DGKB: variants seen among roughly 807,000 people sequenced by gnomAD.
DGKB encodes the protein diacylglycerol kinase beta.
Under a neutral mutation model 114.3 loss-of-function variants are expected in DGKB, and 67 were observed. The observed-to-expected ratio is 0.59, with a 90% confidence interval of 0.48 to 0.72. The LOEUF (loss-of-function observed/expected upper bound fraction) is 0.72. Among genes scored for constraint, DGKB ranks in the 30% least tolerant of loss-of-function variants. The pLI is 0.00. For synonymous variants in DGKB, 398 were observed against 323.1 expected (o/e 1.23, Z -2.49); for missense variants, 907 against 975.2 (o/e 0.93, Z 0.93).
At chr7:14,800,978 T>C (rs537813510) in intron 2 of DGKB, among the ~76,000 whole-genome samples, 1 of 152,210 alleles carries the variant, frequency 6.6e-6, no homozygotes, top group East Asian at 1.9e-4. Flanking sequence ...AAGGTAGCTA[T>C]AAACACCACC....
Position 14,291,142 on chromosome 7 carries a change from C to CAAA in DGKB, c.2122+47370_2122+47372dup, listed in dbSNP as rs373171858. Among the ~76,000 whole-genome samples, 669 of 84,284 alleles carry CAAA rather than the reference C, an allele frequency of 7.9e-3. 12 individuals carry two copies. Among genetic ancestry groups the CAAA allele is most frequent in the African/African-American group, 0.022 (455 of 20,224 alleles). The allele number at this position is 84,284 out of a possible 152,430, so 55.3% of individuals were successfully genotyped here. A position where few individuals can be genotyped will look rare whatever the true frequency, so the allele number is the denominator to read the frequency against. ...ATGCAACAAAAGCAAAACTCCGTCT[C>CAAA]AAAAAAAAAAAAAAAAAAAAAGAGA... On this transcript the variant is annotated intron_variant, in intron 23 of 25. Transcript: ENST00000402815.
intron 21 of DGKB, among the ~76,000 whole-genome samples, chr7:14,444,067 A>C (rs1830426044): frequency 6.6e-6 from 1 of 151,990 alleles, no homozygotes; most frequent in Non-Finnish European, 1.5e-5. Flanking sequence ...TAATTTAAAT[A>C]TTCATATTTT....
intron 6 of DGKB, among the ~76,000 whole-genome samples, chr7:14,717,523 T>C (rs1337347315): frequency 1.3e-5 from 2 of 152,118 alleles, no homozygotes; most frequent in East Asian, 3.8e-4. Context: ...ATTCATATGG[T>C]TTATTCATAA....
intron 23 of DGKB, among the ~76,000 whole-genome samples, chr7:14,194,817 T>C (rs890300665): frequency 5.3e-5 from 8 of 152,256 alleles, no homozygotes; most frequent in South Asian, 2.1e-4. Context: ...TTTGTTTTTA[T>C]GCTAAAATTC....
intron 14 of DGKB, among the ~76,000 whole-genome samples, chr7:14,629,439 G>C (rs535195625): frequency 6.6e-6 from 1 of 152,016 alleles, no homozygotes; most frequent in African/African-American, 2.4e-5. Context: ...GAAAAGAGCA[G>C]TTATGACACT....
intron 23 of DGKB, among the ~76,000 whole-genome samples, chr7:14,281,919 A>G (rs1800021750): frequency 7.2e-6 from 1 of 138,876 alleles, no homozygotes; most frequent in South Asian, 2.5e-4. Context: ...GGAAAGATCC[A>G]AAATTGACAG....
chr7:14,476,323 T>C (rs1434329015), intron 21 of DGKB, among the ~76,000 whole-genome samples: 4 of 152,152 alleles, frequency 2.6e-5, no homozygotes, highest in Non-Finnish European at 1.5e-5. Flanking sequence ...ACTTTCACTG[T>C]TATGTCAATT....
chr7:14,458,062 T>C (rs1220126228), intron 21 of DGKB, among the ~76,000 whole-genome samples: 3 of 152,162 alleles, frequency 2.0e-5, no homozygotes, highest in African/African-American at 7.2e-5. Flanking sequence ...ATCAAGAATC[T>C]TCAAGCCTTG....
At chr7:14,595,797 C>CT in intron 17 of DGKB, among the ~76,000 whole-genome samples, 1 of 151,872 alleles carries the variant, frequency 6.6e-6, no homozygotes, top group South Asian at 2.1e-4. Flanking sequence ...AGATAATTTT[C>CT]TTTTCCTCTA....
intron 23 of DGKB, among the ~76,000 whole-genome samples, chr7:14,279,966 A>G (rs1392621689): frequency 1.3e-5 from 2 of 152,242 alleles, no homozygotes; most frequent in Non-Finnish European, 2.9e-5. Flanking sequence ...TCCTCCTCCA[A>G]AGGAACGCAG....
chr7:14,272,781 C>T (rs192373922), intron 23 of DGKB, among the ~76,000 whole-genome samples: 5 of 152,248 alleles, frequency 3.3e-5, no homozygotes, highest in Non-Finnish European at 7.3e-5. Context: ...AGCAATTTCA[C>T]TTATCTTGCA....
At chr7:14,590,947 C>G (rs1273710259) in intron 17 of DGKB, among the ~76,000 whole-genome samples, 1 of 152,106 alleles carries the variant, frequency 6.6e-6, no homozygotes, top group Admixed American at 6.6e-5. Context: ...AATTTTCTAA[C>G]AAGCAGTAAG....
chr7:14,210,338 C>T (rs1024956184), intron 23 of DGKB, among the ~76,000 whole-genome samples: 2 of 152,096 alleles, frequency 1.3e-5, no homozygotes, highest in Non-Finnish European at 2.9e-5. Context: ...TTCAGGCCCA[C>T]AGGCAGCCAG....
intron 1 of DGKB, among the ~76,000 whole-genome samples, chr7:14,849,738 C>T (rs1849097572): frequency 6.6e-6 from 1 of 152,100 alleles, no homozygotes; most frequent in Admixed American, 6.6e-5. Context: ...CTCCATTCTC[C>T]TCCAGTGCCT....
intron 23 of DGKB, among the ~76,000 whole-genome samples, chr7:14,205,424 C>A (rs1237608110): frequency 2.0e-5 from 3 of 151,766 alleles, no homozygotes; most frequent in African/African-American, 7.3e-5. Flanking sequence ...CTTGGGGACA[C>A]CTCATATCAT....
chr7:14,948,879 A>G (rs188135139), intron 1 of DGKB, among the ~76,000 whole-genome samples: 1 of 151,666 alleles, frequency 6.6e-6, no homozygotes, highest in Non-Finnish European at 1.5e-5. Flanking sequence ...ACTCCTTAAA[A>G]AGAGAAAAAT....
intron 1 of DGKB, among the ~76,000 whole-genome samples, chr7:14,895,899 G>A (rs1389582463): frequency 6.6e-6 from 1 of 151,660 alleles, no homozygotes; most frequent in Non-Finnish European, 1.5e-5. Context: ...AGATTCATTG[G>A]TCAAGAGCCA....
At chr7:14,193,477 G>A (rs1251516274) in intron 23 of DGKB, among the ~76,000 whole-genome samples, 1 of 152,076 alleles carries the variant, frequency 6.6e-6, no homozygotes, top group Non-Finnish European at 1.5e-5. Context: ...ATGGTGCTAG[G>A]AAAATTCAAT....
intron 21 of DGKB, among the ~76,000 whole-genome samples, chr7:14,450,446 C>G (rs28459015): frequency 0.026 from 3,992 of 152,132 alleles, 193 homozygotes; most frequent in African/African-American, 0.09. Flanking sequence ...AATAAGAAGG[C>G]ACAGTGGGAG....
Sources: gnomAD v4.1 joint callset for allele counts (sites outside exome capture counted in the v4.1 genomes callset) on GRCh38, gnomAD v4.1.1 for gene constraint, MANE v1.5 for transcripts, NCBI Gene and HGNC (gene_info 2026-07-23, HGNC 2026-07-21) for gene names.